Variants in PTPRD observed in about 807,000 individuals in gnomAD.
PTPRD encodes the protein protein tyrosine phosphatase receptor type D, also known as receptor-type tyrosine-protein phosphatase delta.
In PTPRD, 34 loss-of-function variants were observed where a neutral mutation model predicts 214.5. The ratio of observed to expected loss-of-function variants is 0.16; its 90% CI spans 0.12 to 0.21. The LOEUF is 0.21. Among genes scored for constraint, PTPRD ranks in the 10% least tolerant of loss-of-function variants. The probability of loss-of-function intolerance (pLI) is 1.00; values close to 1 mark genes in which losing one functional copy is unlikely to be tolerated. For synonymous variants in PTPRD, 1,128 were observed against 845.7 expected (o/e 1.33, Z -5.79); for missense variants, 2,545 against 2,398.7 (o/e 1.06, Z -1.27).
Position 10,060,885 on chromosome 9 carries a change from CTTCCTTCCTTCCTTCTTTCTTTCTTTCT to C in PTPRD, c.-544-27123_-544-27096del, listed in dbSNP as rs1486997929. On this transcript the variant is annotated intron_variant, in intron 3 of 45. Transcript: ENST00000381196. ...CCTTCCTTCTTTCCTTCCTTCCTTC[CTTCCTTCCTTCCTTCTTTCTTTCTTTCT>C]TTCTTTCTTTCTTTCTTTCTTTCTT... is the stretch of plus-strand genomic sequence containing the variant. Among the ~76,000 whole-genome samples, 65 of 73,294 alleles carry C rather than the reference CTTCCTTCCTTCCTTCTTTCTTTCTTTCT, an allele frequency of 8.9e-4. 6 individuals carry two copies. The African/African-American group carries it at 0.011, about 12-fold the overall frequency. The allele number at this position is 73,294 out of a possible 152,430, so 48.1% of individuals were successfully genotyped here.
At chr9:8,645,955 C>T (rs1190822731) in intron 12 of PTPRD, among the ~76,000 whole-genome samples, 2 of 151,866 alleles carry the variant, frequency 1.3e-5, no homozygotes, top group African/African-American at 2.4e-5. Context: ...TTATTAAGTT[C>T]TACTGATTTA....
At chr9:8,990,985 C>T (rs1030953622) in intron 11 of PTPRD, among the ~76,000 whole-genome samples, 3 of 151,848 alleles carry the variant, frequency 2.0e-5, no homozygotes, top group African/African-American at 7.2e-5. Flanking sequence ...GAGGTCAAGG[C>T]GGGAGGACCA....
At chr9:10,561,810 C>G (rs924665671) in intron 2 of PTPRD, among the ~76,000 whole-genome samples, 1 of 152,098 alleles carries the variant, frequency 6.6e-6, no homozygotes, top group African/African-American at 2.4e-5. Flanking sequence ...AGCTGATTCT[C>G]TGACTCTTGG....
intron 10 of PTPRD, among the ~76,000 whole-genome samples, chr9:9,075,766 T>A (rs1271256536): frequency 6.6e-6 from 1 of 152,204 alleles, no homozygotes; most frequent in Non-Finnish European, 1.5e-5. Flanking sequence ...CTGCATAGTA[T>A]TCCATGATGT....
chr9:9,972,398 A>C (rs1226048773), intron 4 of PTPRD, among the ~76,000 whole-genome samples: 1 of 152,174 alleles, frequency 6.6e-6, no homozygotes, highest in Non-Finnish European at 1.5e-5. Flanking sequence ...AACTGTCATG[A>C]TAGTGACAGT....
At chr9:9,292,797 T>C (rs1951631559) in intron 9 of PTPRD, among the ~76,000 whole-genome samples, 1 of 151,438 alleles carries the variant, frequency 6.6e-6, no homozygotes, top group Admixed American at 6.6e-5. Context: ...TGAGGAGTAC[T>C]GATCAGGCAT....
intron 12 of PTPRD, among the ~76,000 whole-genome samples, chr9:8,643,527 G>T (rs1450060607): frequency 6.6e-6 from 1 of 152,214 alleles, no homozygotes; most frequent in Non-Finnish European, 1.5e-5. Context: ...CCTCACACTG[G>T]CTGCAGATGG....
intron 9 of PTPRD, among the ~76,000 whole-genome samples, chr9:9,354,295 G>A (rs748252186): frequency 1.3e-5 from 2 of 151,518 alleles, no homozygotes; most frequent in South Asian, 4.2e-4. Flanking sequence ...TGAATCCTGG[G>A]GGCTATTTTA....
chr9:10,130,776 T>C (rs902599495), intron 3 of PTPRD, among the ~76,000 whole-genome samples: 1 of 152,124 alleles, frequency 6.6e-6, no homozygotes, highest in African/African-American at 2.4e-5. Context: ...GCTGGAACTA[T>C]AGTGTGCAGA....
chr9:9,207,313 T>G lies in PTPRD; in HGVS notation c.-202-23950A>C, dbSNP rs150380394. Among the ~76,000 whole-genome samples the G allele has an allele frequency of 1.8e-3, 273 of 152,252 alleles. 1 individual carries two copies. The highest frequency in any genetic ancestry group is 6.1e-3 in the African/African-American group (255 of 41,546). Reference sequence around the variant, plus strand: ...GAGACAGGGAGTAGATAGTTGGACATAAGAGCATTAAGTTACACATAGAAT... The same window carrying G: ...GAGACAGGGAGTAGATAGTTGGACAGAAGAGCATTAAGTTACACATAGAAT... On this transcript the variant is annotated intron_variant, in intron 9 of 45. Coordinates refer to ENST00000381196, the MANE Select transcript of PTPRD (RefSeq NM_002839.4).
At chr9:8,767,120 T>G (rs1015759066) in intron 11 of PTPRD, among the ~76,000 whole-genome samples, 124 of 152,242 alleles carry the variant, frequency 8.1e-4, no homozygotes, top group Admixed American at 8.0e-3. Context: ...TTCCCCACTT[T>G]TTTTTCTTTT....
chr9:9,066,299 T>C (rs916776717), intron 10 of PTPRD, among the ~76,000 whole-genome samples: 1 of 151,940 alleles, frequency 6.6e-6, no homozygotes, highest in Non-Finnish European at 1.5e-5. Context: ...GGCCAGGCAT[T>C]TTTTTTTCAT....
chr9:9,267,516 T>C (rs766181572), intron 9 of PTPRD, among the ~76,000 whole-genome samples: 31 of 151,252 alleles, frequency 2.0e-4, no homozygotes, highest in Middle Eastern at 3.4e-3. Context: ...TTACAAGAAA[T>C]TGAAGGAAAC....
chr9:8,538,649 A>G (rs1315958657), intron 14 of PTPRD, among the ~76,000 whole-genome samples: 33 of 151,312 alleles, frequency 2.2e-4, no homozygotes, highest in Admixed American at 2.2e-3. Context: ...TTGTATACAT[A>G]TACTATACAT....
intron 11 of PTPRD, among the ~76,000 whole-genome samples, chr9:9,011,123 T>A (rs2099510118): frequency 6.6e-6 from 1 of 152,030 alleles, no homozygotes; most frequent in Non-Finnish European, 1.5e-5. Context: ...GCAATTCTAG[T>A]CTGTAGGGGT....
intron 12 of PTPRD, among the ~76,000 whole-genome samples, chr9:8,714,300 T>G (rs2098405138): frequency 8.4e-6 from 1 of 118,530 alleles, no homozygotes; most frequent in Non-Finnish European, 1.9e-5. Flanking sequence ...CTTTAACAGC[T>G]TATTGGGTTT....
At chr9:9,276,934 C>A (rs1319699588) in intron 9 of PTPRD, among the ~76,000 whole-genome samples, 1 of 151,318 alleles carries the variant, frequency 6.6e-6, no homozygotes, top group Non-Finnish European at 1.5e-5. Flanking sequence ...TGGAAAGTTA[C>A]TTCCTTCACA....
intron 8 of PTPRD, among the ~76,000 whole-genome samples, chr9:9,535,364 GAA>G: frequency 6.6e-6 from 1 of 152,168 alleles, no homozygotes; most frequent in Non-Finnish European, 1.5e-5. Context: ...CAAGTGCTCT[GAA>G]AAGACAGCAT....
intron 7 of PTPRD, among the ~76,000 whole-genome samples, chr9:9,662,007 C>A (rs1260975573): frequency 6.6e-6 from 1 of 151,710 alleles, no homozygotes; most frequent in African/African-American, 2.4e-5. Flanking sequence ...GCACCAAACA[C>A]ATGTATGATA....
Sources: gnomAD v4.1 joint callset for allele counts (sites outside exome capture counted in the v4.1 genomes callset) on GRCh38, gnomAD v4.1.1 for gene constraint, MANE v1.5 for transcripts, NCBI Gene and HGNC (gene_info 2026-07-23, HGNC 2026-07-21) for gene names.